The following GRHL2 variants were observed in gnomAD, a reference collection of about 807,000 sequenced individuals.
GRHL2 encodes grainyhead-like protein 2 homolog.
Under a neutral mutation model 83.8 loss-of-function variants are expected in GRHL2, and 21 were observed. That is an observed-to-expected ratio of 0.25 (90% confidence interval 0.18 to 0.36). The LOEUF (loss-of-function observed/expected upper bound fraction) is 0.36. Ranked by LOEUF, GRHL2 falls within the 10% of genes least tolerant of loss-of-function variation. GRHL2 has a pLI of 1.00. For missense variants in GRHL2, 623 were observed against 781.8 expected (o/e 0.80, Z 2.42); for synonymous variants, 280 against 278.9 (o/e 1.00, Z -0.04).
chr8:101,631,493 A>G (rs1158593769), intron 9 of GRHL2, 144 bp from the exon 10 acceptor site: 18 of 723,624 alleles, frequency 2.5e-5, no homozygotes, highest in South Asian at 2.0e-4. Flanking sequence ...GCCAAACCCA[A>G]CCTTGCCAGA....
chr8:101,556,451 C>G (rs1026144481), intron 3 of GRHL2, among the ~76,000 whole-genome samples: 3 of 152,186 alleles, frequency 2.0e-5, no homozygotes, highest in Non-Finnish European at 4.4e-5. Context: ...TTGCACTGAC[C>G]AGAGGGACTT....
chr8:101,577,611 AG>A (rs1479216369), intron 7 of GRHL2, 92 bp downstream of exon 7: 2 of 828,876 alleles, frequency 2.4e-6, no homozygotes, highest in African/African-American at 3.3e-5. Flanking sequence ...TCACAGCTGG[AG>A]CCACAGAGCT....
intron 1 of GRHL2, chr8:101,529,605 G>A: frequency 4.6e-6 from 1 of 215,758 alleles, no homozygotes; most frequent in Non-Finnish European, 9.8e-6. Flanking sequence ...CCCACCCACT[G>A]CCTCTCAAGT....
At chr8:101,494,523 CA>C (rs1810055011) in intron 1 of GRHL2, among the ~76,000 whole-genome samples, 1 of 152,078 alleles carries the variant, frequency 6.6e-6, no homozygotes. Flanking sequence ...CTCTAGTCTT[CA>C]AGGAAACACG....
chr8:101,652,775 G>A (rs1387885917), intron 14 of GRHL2, among the ~76,000 whole-genome samples: 2 of 152,042 alleles, frequency 1.3e-5, no homozygotes, highest in African/African-American at 4.8e-5. Context: ...ATACTACCTA[G>A]CTCGTGGGAT....
chr8:101,528,006 A>C, intron 1 of GRHL2, among the ~76,000 whole-genome samples: 1 of 152,162 alleles, frequency 6.6e-6, no homozygotes, highest in South Asian at 2.1e-4. Context: ...ATATGAATAG[A>C]AGTGCCACTT....
chr8:101,543,655 T>C (rs542748425), intron 2 of GRHL2: 7 of 578,682 alleles, frequency 1.2e-5, no homozygotes, highest in Non-Finnish European at 2.2e-5. Context: ...TTTGGGATAA[T>C]ATTTTTTGTG....
At chr8:101,643,337 A>G (rs1045088387) in intron 12 of GRHL2, among the ~76,000 whole-genome samples, 7 of 138,638 alleles carry the variant, frequency 5.0e-5, no homozygotes, top group East Asian at 2.2e-4. Context: ...CTCAGTATCA[A>G]TGACTTCTAT....
intron 4 of GRHL2, 34 bp from the exon 5 acceptor site, chr8:101,570,305 A>G (rs749092545): frequency 1.9e-6 from 3 of 1,548,358 alleles, no homozygotes; most frequent in Non-Finnish European, 2.7e-6. Flanking sequence ...TGACTTACCT[A>G]TTTGTTTTAA....
intron 12 of GRHL2, among the ~76,000 whole-genome samples, chr8:101,637,257 CCTT>C (rs1166279596): frequency 6.6e-6 from 1 of 152,154 alleles, no homozygotes; most frequent in Non-Finnish European, 1.5e-5. Context: ...TCTCAGTAGT[CCTT>C]CTTACCTATT....
chr8:101,610,167 C>A (rs1812718984), intron 8 of GRHL2, among the ~76,000 whole-genome samples: 1 of 150,936 alleles, frequency 6.6e-6, no homozygotes, highest in Non-Finnish European at 1.5e-5. Context: ...CTTCCCCATG[C>A]TCTCCCCAGC....
intron 1 of GRHL2, among the ~76,000 whole-genome samples, chr8:101,511,642 C>T (rs1810467566): frequency 6.6e-6 from 1 of 151,954 alleles, no homozygotes; most frequent in Non-Finnish European, 1.5e-5. Flanking sequence ...AGCCACTGTG[C>T]CCGGCCTCAT....
chr8:101,677,378 G>A, the GRHL2 span, among the ~76,000 whole-genome samples: 4 of 152,070 alleles, frequency 2.6e-5, no homozygotes, highest in African/African-American at 9.7e-5. Context: ...CATTGGCTGT[G>A]AGCTTGGGTT....
At chr8:101,632,431 A>G in intron 11 of GRHL2, 66 bp downstream of exon 11, 1 of 1,586,286 alleles carries the variant, frequency 6.3e-7, no homozygotes, top group South Asian at 1.1e-5. Flanking sequence ...TTAAGATAGA[A>G]GCATTTCAGA....
intron 6 of GRHL2, among the ~76,000 whole-genome samples, chr8:101,575,923 C>T (rs1422937546): frequency 6.6e-6 from 1 of 152,180 alleles, no homozygotes; most frequent in East Asian, 1.9e-4. Context: ...CTTGTGAATT[C>T]GAAACGATAT....
At chr8:101,540,840 T>G (rs1811137872) in intron 1 of GRHL2, among the ~76,000 whole-genome samples, 1 of 152,198 alleles carries the variant, frequency 6.6e-6, no homozygotes, top group Admixed American at 6.6e-5. Context: ...TATTTTTCAT[T>G]TCAATAGCTT....
At chr8:101,583,151 T>C (rs1228754007) in intron 7 of GRHL2, among the ~76,000 whole-genome samples, 1 of 152,210 alleles carries the variant, frequency 6.6e-6, no homozygotes, top group Non-Finnish European at 1.5e-5. Flanking sequence ...TGCTTGATGT[T>C]GGAGGCTTTA....
the GRHL2 span, among the ~76,000 whole-genome samples, chr8:101,675,065 A>G: frequency 6.6e-6 from 1 of 152,204 alleles, no homozygotes; most frequent in Non-Finnish European, 1.5e-5. Context: ...ATCTCAAAAT[A>G]ATAAGAGTTA....
chr8:101,585,217 A>G (rs940682591), intron 7 of GRHL2, among the ~76,000 whole-genome samples: 1 of 152,178 alleles, frequency 6.6e-6, no homozygotes, highest in Admixed American at 6.5e-5. Flanking sequence ...GGTTCTCTGG[A>G]GGGCTGTCCT....
Sources: gnomAD v4.1 joint callset for allele counts (sites outside exome capture counted in the v4.1 genomes callset) on GRCh38, gnomAD v4.1.1 for gene constraint, MANE v1.5 for transcripts, NCBI Gene and HGNC (gene_info 2026-07-23, HGNC 2026-07-21) for gene names.